ZCCHC14: variants seen among roughly 807,000 people sequenced by gnomAD.
The protein encoded by ZCCHC14 is zinc finger CCHC domain-containing protein 14.
In ZCCHC14, 16 loss-of-function variants were observed where a neutral mutation model predicts 85.0. The ratio of observed to expected loss-of-function variants is 0.19; its 90% CI spans 0.13 to 0.29. The LOEUF is 0.29. Ranked by LOEUF, ZCCHC14 falls within the 10% of genes least tolerant of loss-of-function variation. The pLI, the probability that ZCCHC14 is intolerant of heterozygous loss-of-function variation, is 1.00. For synonymous variants in ZCCHC14, 775 were observed against 630.7 expected (o/e 1.23, Z -3.43); for missense variants, 1,303 against 1,443.5 (o/e 0.90, Z 1.58).
At chr16:87,482,583 C>T (rs2334191) in intron 1 of ZCCHC14, among the ~76,000 whole-genome samples, 1 of 152,114 alleles carries the variant, frequency 6.6e-6, no homozygotes, top group Non-Finnish European at 1.5e-5. Context: ...CAAAAACGAA[C>T]GAGAGGTAAG....
chr16:87,451,632 A>G (rs1019484734), intron 2 of ZCCHC14, among the ~76,000 whole-genome samples: 2 of 152,276 alleles, frequency 1.3e-5, no homozygotes, highest in African/African-American at 2.4e-5. Context: ...CATAAGTGAT[A>G]TAAAAATGAA....
At chr16:87,490,297 A>G (rs1202483833) in intron 1 of ZCCHC14, among the ~76,000 whole-genome samples, 1 of 152,244 alleles carries the variant, frequency 6.6e-6, no homozygotes, top group African/African-American at 2.4e-5. Flanking sequence ...CCACTCATAA[A>G]AGCAAAGTCT....
intron 2 of ZCCHC14, among the ~76,000 whole-genome samples, chr16:87,439,336 T>C (rs1248403801): frequency 1.3e-5 from 2 of 152,094 alleles, no homozygotes; most frequent in African/African-American, 2.4e-5. Flanking sequence ...GGTTGCACTA[T>C]GTTGACCAGG....
intron 1 of ZCCHC14, among the ~76,000 whole-genome samples, chr16:87,475,865 G>T (rs920204684): frequency 6.6e-6 from 1 of 152,094 alleles, no homozygotes; most frequent in African/African-American, 2.4e-5. Flanking sequence ...ATTTCCCACA[G>T]CTGGCAGAAG....
intron 7 of ZCCHC14, among the ~76,000 whole-genome samples, chr16:87,418,317 C>A (rs891821260): frequency 4.6e-5 from 7 of 152,220 alleles, no homozygotes; most frequent in Non-Finnish European, 1.0e-4. Flanking sequence ...CAAAGTCACA[C>A]CTGCTGACTG....
At chr16:87,460,225 GT>G (rs1911193660) in intron 1 of ZCCHC14, 94 bp from the exon 2 acceptor site, 18 of 1,477,408 alleles carry the variant, frequency 1.2e-5, no homozygotes, top group Non-Finnish European at 1.1e-5. Flanking sequence ...AATTACCTTG[GT>G]TTCCATTTTT....
chr16:87,422,859 G>A (rs975505588), intron 4 of ZCCHC14, among the ~76,000 whole-genome samples: 1 of 152,116 alleles, frequency 6.6e-6, no homozygotes, highest in Non-Finnish European at 1.5e-5. Context: ...ACACAGAGGC[G>A]AGGAGATTTA....
rs944811094 is a variant in ZCCHC14 at position 87,417,321 on chromosome 16, G to A, written c.1383+139C>T. The A allele has an allele frequency of 1.2e-4, 157 of 1,288,130 alleles. 1 individual carries two copies. The highest frequency in any genetic ancestry group is 2.3e-4 in the Middle Eastern group (1 of 4,374). 79.8% of individuals were successfully genotyped at this position (1,288,130 alleles called of 1,614,324 possible). A position where few individuals can be genotyped will look rare whatever the true frequency, so the allele number is the denominator to read the frequency against. ...GCAGGCGGCCTCCGCAAAGCCCACC[G>A]TCTCCCTTAAGAACAGGCGCTGCGC... On this transcript the variant is annotated intron_variant, in intron 8 of 12. Transcript: ENST00000671377.
At chr16:87,487,798 C>T (rs962297635) in intron 1 of ZCCHC14, among the ~76,000 whole-genome samples, 56 of 152,338 alleles carry the variant, frequency 3.7e-4, no homozygotes, top group African/African-American at 1.1e-3. Flanking sequence ...GAACGCCACT[C>T]GGCAGCGAAA....
intron 2 of ZCCHC14, among the ~76,000 whole-genome samples, chr16:87,436,159 G>C (rs572391442): frequency 6.6e-6 from 1 of 152,382 alleles, no homozygotes; most frequent in Non-Finnish European, 1.5e-5. Context: ...CATCTGGACT[G>C]AGAGTAGGAA....
chr16:87,439,931 A>T (rs1910105315), intron 2 of ZCCHC14, among the ~76,000 whole-genome samples: 1 of 152,196 alleles, frequency 6.6e-6, no homozygotes, highest in Non-Finnish European at 1.5e-5. Context: ...AAACGAACCA[A>T]ACATTTTCCC....
rs1206820982 is a variant in ZCCHC14 at position 87,492,361 on chromosome 16, G to A, written c.-123C>T. 37 of 164,490 alleles carry A rather than the reference G, an allele frequency of 2.2e-4. No homozygotes were observed. In the South Asian group the frequency reaches 5.7e-3, roughly 25 times the overall value. The allele number at this position is 164,490 out of a possible 1,614,324, so 10.2% of individuals were successfully genotyped here. On this transcript the variant is annotated 5_prime_UTR_variant, in exon 1 of 13. Transcript: ENST00000671377. The surrounding 1 kb of genome is among the most constrained non-coding windows in gnomAD (Gnocchi z 6.7). ...ACGCGCGGGCCGGGGCCGGGTCCGG[G>A]CGAGGGCGCGCGGGCGCCGCGGGCC...
rs184850488 is a variant in ZCCHC14, at chr16:87,466,671, A to G, written c.571-6540T>C. On this transcript the variant is annotated intron_variant, in intron 1 of 12. Coordinates refer to ENST00000671377, the MANE Select transcript of ZCCHC14 (RefSeq NM_015144.3). ...CACAGGAGCGCTGAGCATGAAGGAG[A>G]CTTGAAGACGCTTTCTACGACTGTG... Among the ~76,000 whole-genome samples, 428 of 152,268 alleles carry G rather than the reference A, an allele frequency of 2.8e-3. 1 individual carries two copies. The highest frequency in any genetic ancestry group is 9.4e-3 in the African/African-American group (390 of 41,532).
intron 4 of ZCCHC14, 128 bp downstream of exon 4, chr16:87,423,682 G>T: frequency 9.7e-7 from 1 of 1,026,486 alleles, no homozygotes; most frequent in Non-Finnish European, 1.4e-6. Context: ...TGGCTGGGCA[G>T]GAGGCCCCGC....
intron 1 of ZCCHC14, chr16:87,467,755 C>G (rs574969727): frequency 6.0e-5 from 32 of 535,120 alleles, no homozygotes; most frequent in African/African-American, 5.0e-4. Context: ...GGGTTCACAC[C>G]ATTCTCCTGC....
chr16:87,477,137 A>AAAAAAC (rs1912049165), intron 1 of ZCCHC14, among the ~76,000 whole-genome samples: 1 of 136,834 alleles, frequency 7.3e-6, no homozygotes, highest in Non-Finnish European at 1.5e-5. Context: ...AAAAAAAAAA[A>AAAAAAC]AAAACAAAAC....
At chr16:87,434,078 C>T (rs564458824) in intron 2 of ZCCHC14, among the ~76,000 whole-genome samples, 11 of 152,152 alleles carry the variant, frequency 7.2e-5, no homozygotes, top group Non-Finnish European at 1.6e-4. Context: ...TGAAGCTGCA[C>T]GGGATGGACA....
chr16:87,477,120 C>CAAAAAAAAAAAAAAAAAAAAA (rs769416913), intron 1 of ZCCHC14, among the ~76,000 whole-genome samples: 3 of 40,630 alleles, frequency 7.4e-5, no homozygotes, highest in African/African-American at 4.3e-4. Context: ...GACTCAGTCT[C>CAAAAAAAAAAAAAAAAAAAAA]AAAAAAAAAA....
chr16:87,486,523 A>G (rs1912518722), intron 1 of ZCCHC14, among the ~76,000 whole-genome samples: 1 of 152,194 alleles, frequency 6.6e-6, no homozygotes, highest in South Asian at 2.1e-4. Flanking sequence ...TCACACAACA[A>G]GATCAGCTGA....
Sources: gnomAD v4.1 joint callset for allele counts (sites outside exome capture counted in the v4.1 genomes callset) on GRCh38, gnomAD v4.1.1 for gene constraint, Gnocchi (gnomAD v3.1) non-coding constraint, MANE v1.5 for transcripts, NCBI Gene and HGNC (gene_info 2026-07-23, HGNC 2026-07-21) for gene names.